Variants in MRRF observed in about 807,000 individuals in gnomAD.
The protein encoded by MRRF is mitochondrial ribosome recycling factor.
In MRRF, 18 loss-of-function variants were observed where a neutral mutation model predicts 25.1. The observed-to-expected ratio is 0.72, with a 90% CI of 0.50 to 1.06. The LOEUF (loss-of-function observed/expected upper bound fraction) is 1.06, where lower values mean the gene tolerates loss of function less well. Ranked by LOEUF, MRRF falls within the 50% of genes least tolerant of loss-of-function variation. The pLI, the probability that MRRF is intolerant of heterozygous loss-of-function variation, is 0.00. For synonymous variants in MRRF, 113 were observed against 112.1 expected, an observed-to-expected ratio of 1.01 and a Z score of -0.05; for missense variants, 323 against 319.3, an observed-to-expected ratio of 1.01 and a Z score of -0.09.
chr9:122,285,958 T>G (rs1419778732), intron 4 of MRRF: 1 of 1,303,786 alleles, frequency 7.7e-7, no homozygotes, highest in East Asian at 5.5e-5. Flanking sequence ...TGGGTTGTAT[T>G]AGGTCATTGC....
At position 122,283,092 on chromosome 9, in the gene MRRF, A is replaced by ATT. The variant is rs546491734; in HGVS notation, c.341-2060_341-2059dup. Among the ~76,000 whole-genome samples the ATT allele has an allele frequency of 2.3e-3, 326 of 139,242 alleles. 2 individuals are homozygous for ATT. Among genetic ancestry groups the ATT allele is most frequent in the African/African-American group, 7.9e-3 (299 of 37,938 alleles). 91.3% of individuals were successfully genotyped at this position (139,242 alleles called of 152,430 possible). On this transcript the variant is annotated intron_variant, in intron 3 of 6. Transcript: ENST00000344641. The stretch of plus-strand genomic sequence containing the variant: ...AAAAACCCCATGAAATATAAGTACA[A>ATT]TTTTTTTTTTTTTTTTTTGGAGTCA...
At position 122,317,855 on chromosome 9, in the gene MRRF, A is replaced by G. The variant is rs545242711; in HGVS notation, c.711+4469A>G. On this transcript the variant is annotated intron_variant, in intron 6 of 6. Coordinates refer to ENST00000344641, the MANE Select transcript of MRRF (RefSeq NM_138777.5). ...TTTTGGTGTATAAGAATGAAATGAT[A>G]GGCTGGGCGCAGTGGCTCACGCTTA... Among the ~76,000 whole-genome samples the G allele has an allele frequency of 6.6e-5, 10 of 152,292 alleles. No individual in the cohort carries two copies. In the East Asian group the frequency reaches 1.7e-3, roughly 26 times the overall value.
chr9:122,273,482 A>G lies in MRRF; in HGVS notation c.184+2407A>G, dbSNP rs532303762. Among the ~76,000 whole-genome samples the G allele has an allele frequency of 2.0e-3, 308 of 150,652 alleles. 1 individual carries two copies. Among genetic ancestry groups the G allele is most frequent in the African/African-American group, 7.3e-3 (302 of 41,206 alleles). ...AAAGATCTTGTACAGTTATTTAATC[A>G]GTTCTTTAATCAGGTTTATTTCTGG... is the stretch of plus-strand genomic sequence containing the variant. On this transcript the variant is annotated intron_variant, in intron 2 of 6. Transcript: ENST00000344641.
At chr9:122,304,696 C>T (rs879480112) in intron 5 of MRRF, among the ~76,000 whole-genome samples, 1 of 152,186 alleles carries the variant, frequency 6.6e-6, no homozygotes, top group Non-Finnish European at 1.5e-5. Context: ...TTTCTCCTTA[C>T]TGCTCTTGGA....
intron 5 of MRRF, among the ~76,000 whole-genome samples, chr9:122,292,186 A>T (rs1833816716): frequency 1.3e-5 from 2 of 152,200 alleles, no homozygotes. Context: ...CTTGGTAAGG[A>T]TGATGGTGGC....
chr9:122,298,126 G>T (rs2118857134), intron 5 of MRRF, among the ~76,000 whole-genome samples: 1 of 152,282 alleles, frequency 6.6e-6, no homozygotes, highest in South Asian at 2.1e-4. Context: ...ACTTGGGTCT[G>T]TTTTACTTGT....
At chr9:122,279,505 A>G (rs557292536) in intron 2 of MRRF, among the ~76,000 whole-genome samples, 5 of 152,356 alleles carry the variant, frequency 3.3e-5, no homozygotes, top group African/African-American at 1.2e-4. Flanking sequence ...CTCAATAAAT[A>G]TTTGTTGAAT....
At chr9:122,304,613 A>G (rs1381584945) in intron 5 of MRRF, among the ~76,000 whole-genome samples, 1 of 152,072 alleles carries the variant, frequency 6.6e-6, no homozygotes, top group South Asian at 2.1e-4. Flanking sequence ...GCACCTATTT[A>G]TGGTACCTAC....
In MRRF at chr9:122,270,888, A is replaced by T; in HGVS notation, c.-4A>T. The T allele has an allele frequency of 6.2e-7, 1 of 1,613,962 alleles. No homozygotes were observed. Among genetic ancestry groups the T allele is most frequent in the East Asian group, 2.2e-5 (1 of 44,888 alleles). ...GTGGATGTTTCCAAGGATTGTCTTC[A>T]GTCATGGCCTTGGGATTAAAGTGCT... is the stretch of plus-strand genomic sequence containing the variant. On this transcript the variant is annotated 5_prime_UTR_variant, in exon 2 of 7. Coordinates refer to ENST00000344641, the MANE Select transcript of MRRF (RefSeq NM_138777.5).
At chr9:122,307,549 A>C (rs1263487942) in intron 5 of MRRF, among the ~76,000 whole-genome samples, 1 of 152,230 alleles carries the variant, frequency 6.6e-6, no homozygotes. Context: ...TGTAGTAAGA[A>C]TAATTTACTC....
chr9:122,314,472 A>G (rs145275408), intron 6 of MRRF, among the ~76,000 whole-genome samples: 1 of 152,326 alleles, frequency 6.6e-6, no homozygotes, highest in East Asian at 1.9e-4. Flanking sequence ...CTGGGGAAAG[A>G]AGTGAATATT....
At position 122,326,001 on chromosome 9, in the gene MRRF, G is replaced by C. The variant is rs564923800; in HGVS notation, c.*3384G>C. 9.1e-5 allele frequency: 12 copies of C among 131,996 alleles called. No homozygotes were observed. Among genetic ancestry groups the C allele is most frequent in the African/African-American group, 3.4e-4 (12 of 35,346 alleles). 8.2% of individuals were successfully genotyped at this position (131,996 alleles called of 1,614,324 possible). On this transcript the variant is annotated 3_prime_UTR_variant, in exon 7 of 7. Coordinates refer to ENST00000344641, the MANE Select transcript of MRRF (RefSeq NM_138777.5). ...CACCTGGCTTTTTTTTTTTTGCTTT[G>C]TTTCCTAGGCTGGTCTCAAACACCT... is the stretch of plus-strand genomic sequence containing the variant.
chr9:122,312,543 C>T (rs1051181872), intron 5 of MRRF, among the ~76,000 whole-genome samples: 5 of 152,142 alleles, frequency 3.3e-5, no homozygotes, highest in Admixed American at 1.3e-4. Context: ...TGAGCAAGAA[C>T]CGTGTTGATT....
At chr9:122,288,540 C>T (rs184895623) in intron 4 of MRRF, among the ~76,000 whole-genome samples, 1 of 152,156 alleles carries the variant, frequency 6.6e-6, no homozygotes, top group African/African-American at 2.4e-5. Context: ...TTTCACCATT[C>T]GTTTGTTAAT....
At chr9:122,320,174 T>C (rs979727568) in intron 6 of MRRF, among the ~76,000 whole-genome samples, 2 of 152,076 alleles carry the variant, frequency 1.3e-5, no homozygotes, top group African/African-American at 4.8e-5. Flanking sequence ...ACACCTGCCC[T>C]TTTTCATTAA....
intron 6 of MRRF, among the ~76,000 whole-genome samples, chr9:122,315,664 TA>T (rs1835469794): frequency 1.3e-5 from 2 of 152,074 alleles, no homozygotes; most frequent in East Asian, 3.9e-4. Context: ...GCCTCATTAA[TA>T]GTCTGGGCCC....
Position 122,265,715 on chromosome 9 carries a change from T to A in MRRF, c.-29+777T>A, listed in dbSNP as rs748173109. The A allele has an allele frequency of 1.1e-5, 14 of 1,282,404 alleles. 1 individual carries two copies. The South Asian group carries it at 1.7e-4, about 16-fold the overall frequency. 79.4% of individuals were successfully genotyped at this position (1,282,404 alleles called of 1,614,324 possible). A position where few individuals can be genotyped will look rare whatever the true frequency, so the allele number is the denominator to read the frequency against. On this transcript the variant is annotated intron_variant, in intron 1 of 6. Transcript: ENST00000344641. Reference sequence around the variant, plus strand: ...ACAAGTCACAAGTCAGTGGTAGAGCTGCCGCAAATGCTTTTTGAATACGTG... The same window carrying A: ...ACAAGTCACAAGTCAGTGGTAGAGCAGCCGCAAATGCTTTTTGAATACGTG...
rs549870150 is a variant in MRRF, at chr9:122,320,244, A to G, written c.712-2296A>G. The stretch of plus-strand genomic sequence containing the variant: ...GTTATAGTAACAAGAAATAGCAAAT[A>G]ACCAGTTTAAAATGTGCATGCATAT... On this transcript the variant is annotated intron_variant, in intron 6 of 6. Coordinates refer to ENST00000344641, the MANE Select transcript of MRRF (RefSeq NM_138777.5). Among the ~76,000 whole-genome samples, 6 of 152,278 alleles carry G rather than the reference A, an allele frequency of 3.9e-5. No individual in the cohort carries two copies. The South Asian group carries it at 1.0e-3, about 26-fold the overall frequency.
intron 1 of MRRF, among the ~76,000 whole-genome samples, chr9:122,267,747 G>T (rs1204781003): frequency 6.6e-6 from 1 of 152,204 alleles, no homozygotes; most frequent in Non-Finnish European, 1.5e-5. Context: ...TTACTTCAGG[G>T]TTATCATGAG....
Sources: gnomAD v4.1 joint callset for allele counts (sites outside exome capture counted in the v4.1 genomes callset) on GRCh38, gnomAD v4.1.1 for gene constraint, MANE v1.5 for transcripts, NCBI Gene and HGNC (gene_info 2026-07-23, HGNC 2026-07-21) for gene names.